SETD5: variants seen among roughly 807,000 people sequenced by gnomAD.
SETD5 encodes the protein histone-lysine N-methyltransferase SETD5.
A neutral mutation model predicts 153.3 loss-of-function variants in SETD5; 44 were observed. The ratio of observed to expected loss-of-function variants is 0.29; its 90% CI spans 0.23 to 0.37. The LOEUF (loss-of-function observed/expected upper bound fraction) is 0.37. SETD5 is among the 10% of genes least tolerant of loss of function. The pLI, the probability that SETD5 is intolerant of heterozygous loss-of-function variation, is 1.00. For missense variants in SETD5, 1,544 were observed against 1,768.0 expected (o/e 0.87, Z 2.27); for synonymous variants, 716 against 645.2 (o/e 1.11, Z -1.66).
chr3:9,463,939 C>G (rs1372523583), intron 17 of SETD5, among the ~76,000 whole-genome samples: 2 of 152,212 alleles, frequency 1.3e-5, no homozygotes, highest in African/African-American at 2.4e-5. Context: ...ACCAGCCTGG[C>G]AAACGTGGTG....
At chr3:9,474,374 A>G (rs1255594005) in intron 20 of SETD5, 75 bp from the exon 21 acceptor site, 6 of 1,518,208 alleles carry the variant, frequency 4.0e-6, no homozygotes. Context: ...AAGAAAATAC[A>G]CTGTGCACTG....
chr3:9,431,767 C>A, intron 3 of SETD5: 1 of 964,476 alleles, frequency 1.0e-6, no homozygotes, highest in Non-Finnish European at 1.2e-6. Flanking sequence ...AAGATACAAC[C>A]AGCATAGCTC....
chr3:9,443,155 T>G (rs2041515015), intron 10 of SETD5, 153 bp from the exon 11 acceptor site: 3 of 607,700 alleles, frequency 4.9e-6, no homozygotes, highest in Non-Finnish European at 8.8e-6. Flanking sequence ...TAGTTTCAGA[T>G]GAAATGAAGG....
chr3:9,446,303 A>AG (rs2041998650), intron 13 of SETD5, among the ~76,000 whole-genome samples: 1 of 137,058 alleles, frequency 7.3e-6, no homozygotes, highest in East Asian at 2.1e-4. Context: ...AAAAAAAAAA[A>AG]AAAAATCTGG....
chr3:9,432,818 C>T (rs1245538375), intron 3 of SETD5, among the ~76,000 whole-genome samples: 1 of 152,128 alleles, frequency 6.6e-6, no homozygotes, highest in Non-Finnish European at 1.5e-5. Flanking sequence ...ATTTTCTACT[C>T]ACAAAGGGTA....
At chr3:9,432,538 G>A (rs2040093693) in intron 3 of SETD5, among the ~76,000 whole-genome samples, 1 of 152,146 alleles carries the variant, frequency 6.6e-6, no homozygotes, top group Non-Finnish European at 1.5e-5. Flanking sequence ...AATCATCGGA[G>A]TTTCTAATTT....
chr3:9,426,606 T>G (rs1321499665), intron 2 of SETD5, among the ~76,000 whole-genome samples: 1 of 152,158 alleles, frequency 6.6e-6, no homozygotes, highest in Non-Finnish European at 1.5e-5. Flanking sequence ...TTGGCCAGGC[T>G]GGTCTCGAAT....
At chr3:9,402,495 T>C (rs535258305) in intron 1 of SETD5, among the ~76,000 whole-genome samples, 1 of 152,232 alleles carries the variant, frequency 6.6e-6, no homozygotes, top group East Asian at 1.9e-4. Context: ...GGAAAGGAAT[T>C]TTCTGCTTCT....
chr3:9,468,124 G>C (rs1184063647), intron 18 of SETD5, among the ~76,000 whole-genome samples: 1 of 151,232 alleles, frequency 6.6e-6, no homozygotes. Context: ...GAAGGAACAA[G>C]GTCCATGTAA....
At position 9,464,609 on chromosome 3, in the gene SETD5, C is replaced by T. The variant is rs1322707051; in HGVS notation, c.2661C>T (p.Leu887=). 1.2e-6 allele frequency: 2 copies of T among 1,613,894 alleles called. No individual in the cohort carries two copies. The highest frequency in any genetic ancestry group is 1.3e-5 in the African/African-American group (1 of 74,924). ...GEEECRNGYS[L]MFSPVTSLTT... ...AGGAGTGTCGAAATGGATACAGCCT[C>T]ATGTTTTCACCAGTCACATCTCTTA... The change falls in exon 18 of 23, where the codon CTC becomes CTT. Residue 887 remains leucine, a synonymous_variant. Coordinates refer to ENST00000402198, the MANE Select transcript of SETD5 (RefSeq NM_001080517.3).
chr3:9,404,967 A>G (rs1169738969), intron 1 of SETD5, among the ~76,000 whole-genome samples: 1 of 152,118 alleles, frequency 6.6e-6, no homozygotes, highest in Admixed American at 6.5e-5. Context: ...TTATCTCACA[A>G]CGCCTCCTCC....
chr3:9,425,200 T>A (rs1224377340), intron 2 of SETD5, among the ~76,000 whole-genome samples: 1 of 151,108 alleles, frequency 6.6e-6, no homozygotes, highest in African/African-American at 2.4e-5. Flanking sequence ...TAGCTGGGAT[T>A]ACAGGCGTCC....
In SETD5 at chr3:9,435,900, A is replaced by C. The variant is rs1368325546; in HGVS notation, c.561A>C (p.Lys187Asn). Residue 187 changes from lysine to asparagine, a missense_variant, in exon 7 of 23, where the codon AAA becomes AAC. This residue lies in a region of SETD5 where 251 missense variants were observed against 326.9 expected (regional missense o/e 0.77). Transcript: ENST00000402198. Reference protein sequence around the residue: ...EKGRAAPKTKKIKNSPSEAQN... With the variant: ...EKGRAAPKTKNIKNSPSEAQN... ...GTCGTGCAGCACCAAAGACGAAGAAAATCAAGGTATGCAGGGTAAAAATAT... is the reference window on the plus strand; with the variant it reads ...GTCGTGCAGCACCAAAGACGAAGAACATCAAGGTATGCAGGGTAAAAATAT... The C allele has an allele frequency of 1.3e-6, 2 of 1,580,840 alleles. No homozygotes were observed. Among genetic ancestry groups the C allele is most frequent in the East Asian group, 2.3e-5 (1 of 43,332 alleles).
At position 9,476,920 on chromosome 3, in the gene SETD5, A is replaced by T. The variant is rs1295932975; in HGVS notation, c.*829A>T. 1 of 152,668 alleles carries T rather than the reference A, an allele frequency of 6.6e-6. No homozygotes were observed. The highest frequency in any genetic ancestry group is 2.4e-5 in the African/African-American group (1 of 41,446). The allele number at this position is 152,668 out of a possible 1,614,324, so 9.5% of individuals were successfully genotyped here. ...TAGGCCAATTGCATTGCTACTTACC[A>T]GCTTTTGGCAATAAATTTCATTAGG... On this transcript the variant is annotated 3_prime_UTR_variant, in exon 23 of 23. Transcript: ENST00000402198.
intron 1 of SETD5, among the ~76,000 whole-genome samples, chr3:9,406,620 A>G (rs1399026706): frequency 6.6e-6 from 1 of 151,988 alleles, no homozygotes; most frequent in Non-Finnish European, 1.5e-5. Context: ...AAAAAAAAAA[A>G]AGAATAGATC....
chr3:9,475,571 C>T lies in SETD5; in HGVS notation c.3809C>T (p.Pro1270Leu). ...SPFRGHPTQSPGYSYRTTALR... is the reference protein window; with the variant it reads ...SPFRGHPTQSLGYSYRTTALR... ...TTCAGAGGACATCCTACACAGTCTC[C>T]AGGATACAGTTATCGAACTACTGCA... The change falls in exon 23 of 23, where the codon CCA becomes CTA. Residue 1270 changes from proline (P) to leucine (L), a missense_variant. By Grantham distance (98) the Pro-to-Leu change is moderately conservative. Coordinates refer to ENST00000402198, the MANE Select transcript of SETD5 (RefSeq NM_001080517.3). 6.2e-7 allele frequency: 1 copy of T among 1,613,904 alleles called. No homozygotes were observed. The highest frequency in any genetic ancestry group is 8.5e-7 in the Non-Finnish European group (1 of 1,179,878).
chr3:9,409,892 CTT>C (rs1051393287), intron 1 of SETD5, among the ~76,000 whole-genome samples: 8 of 152,270 alleles, frequency 5.3e-5, no homozygotes, highest in Middle Eastern at 6.8e-3. Flanking sequence ...TGTAATTTCT[CTT>C]TGTTTTGTGC....
At chr3:9,401,987 G>A (rs1014794070) in intron 1 of SETD5, among the ~76,000 whole-genome samples, 2 of 152,194 alleles carry the variant, frequency 1.3e-5, no homozygotes, top group Non-Finnish European at 2.9e-5. Context: ...GTGTACCCGT[G>A]ATGGGCAGGG....
chr3:9,419,794 C>T (rs1456574633), intron 1 of SETD5, among the ~76,000 whole-genome samples: 2 of 152,094 alleles, frequency 1.3e-5, no homozygotes, highest in African/African-American at 4.8e-5. Flanking sequence ...AGTAAAAATA[C>T]AGATATTAAT....
Sources: gnomAD v4.1 joint callset for allele counts (sites outside exome capture counted in the v4.1 genomes callset) on GRCh38, gnomAD v4.1.1 for gene constraint, gnomAD v4.1.1 regional missense constraint, MANE v1.5 for transcripts, NCBI Gene and HGNC (gene_info 2026-07-23, HGNC 2026-07-21) for gene names.